NFIA: variants seen among roughly 807,000 people sequenced by gnomAD.
NFIA encodes the protein nuclear factor I A.
NFIA carries 8 observed loss-of-function variants against 62.8 expected under a neutral mutation model. The ratio of observed to expected loss-of-function variants is 0.13; its 90% CI spans 0.07 to 0.23. The LOEUF (loss-of-function observed/expected upper bound fraction) is 0.23, where lower values mean the gene tolerates loss of function less well. NFIA is among the 10% of genes least tolerant of loss of function. The probability of loss-of-function intolerance (pLI) is 1.00; values close to 1 mark genes in which losing one functional copy is unlikely to be tolerated. For synonymous variants in NFIA, 235 were observed against 238.1 expected, an observed-to-expected ratio of 0.99 and a Z score of 0.12; for missense variants, 410 against 642.1, an observed-to-expected ratio of 0.64 and a Z score of 3.91.
chr1:61,345,839 G>A (rs965881296), intron 4 of NFIA, among the ~76,000 whole-genome samples: 2 of 152,122 alleles, frequency 1.3e-5, no homozygotes, highest in African/African-American at 4.8e-5. Context: ...GGGGACTTCT[G>A]GTGAGGAGTA....
At chr1:61,315,519 CAGA>C (rs1355516592) in intron 3 of NFIA, among the ~76,000 whole-genome samples, 1 of 152,148 alleles carries the variant, frequency 6.6e-6, no homozygotes, top group East Asian at 1.9e-4. Flanking sequence ...AATCGCAAAG[CAGA>C]AGGACTTCCA....
intron 3 of NFIA, among the ~76,000 whole-genome samples, chr1:61,311,283 C>T (rs1570559377): frequency 6.6e-6 from 1 of 152,090 alleles, no homozygotes; most frequent in Non-Finnish European, 1.5e-5. Context: ...CCCAGCTACT[C>T]GAGAGGCTGA....
intron 7 of NFIA, among the ~76,000 whole-genome samples, chr1:61,390,649 C>T (rs1265655954): frequency 1.3e-5 from 2 of 152,092 alleles, no homozygotes; most frequent in Non-Finnish European, 2.9e-5. Flanking sequence ...GATCACCTTT[C>T]AGGAAGTTGG....
At chr1:61,409,874 C>T (rs1666021099) in intron 9 of NFIA, among the ~76,000 whole-genome samples, 1 of 152,198 alleles carries the variant, frequency 6.6e-6, no homozygotes, top group Non-Finnish European at 1.5e-5. Context: ...CCCTTACAAC[C>T]TAGAGAGTAA....
chr1:61,376,954 T>C (rs1191808190), intron 6 of NFIA, among the ~76,000 whole-genome samples: 2 of 152,112 alleles, frequency 1.3e-5, no homozygotes, highest in Non-Finnish European at 2.9e-5. Flanking sequence ...CGGTGGCTTA[T>C]GCCTGTAATC....
At chr1:61,195,881 A>C (rs905452513) in intron 2 of NFIA, among the ~76,000 whole-genome samples, 3 of 152,182 alleles carry the variant, frequency 2.0e-5, no homozygotes, top group Admixed American at 2.0e-4. Context: ...TAAAGAAAGC[A>C]GAGTAAAATA....
chr1:61,128,491 A>G (rs959407701), intron 2 of NFIA, among the ~76,000 whole-genome samples: 2 of 152,034 alleles, frequency 1.3e-5, no homozygotes, highest in Non-Finnish European at 2.9e-5. Flanking sequence ...CTAGCTATTA[A>G]TACGTGGGAG....
intron 10 of NFIA, among the ~76,000 whole-genome samples, chr1:61,441,922 C>T (rs1667601072): frequency 6.6e-6 from 1 of 151,816 alleles, no homozygotes; most frequent in Admixed American, 6.6e-5. Flanking sequence ...CTTTCCCCCA[C>T]CCCCACCGTC....
At chr1:61,427,298 G>T (rs939885399) in intron 10 of NFIA, among the ~76,000 whole-genome samples, 1 of 152,300 alleles carries the variant, frequency 6.6e-6, no homozygotes, top group Admixed American at 6.5e-5. Context: ...GGCTTTTTAA[G>T]TTCAAAGTTA....
chr1:61,116,889 T>C (rs550816226), intron 2 of NFIA, among the ~76,000 whole-genome samples: 4 of 152,260 alleles, frequency 2.6e-5, no homozygotes, highest in Non-Finnish European at 4.4e-5. Flanking sequence ...AATGACCTTG[T>C]GTTGGCTTGT....
chr1:61,435,731 G>A (rs958234223), intron 10 of NFIA, among the ~76,000 whole-genome samples: 3 of 152,166 alleles, frequency 2.0e-5, no homozygotes, highest in South Asian at 2.1e-4. Context: ...AATCATGACC[G>A]TCACCTAGGA....
At chr1:61,446,164 C>T (rs1016351745) in intron 10 of NFIA, among the ~76,000 whole-genome samples, 4 of 152,200 alleles carry the variant, frequency 2.6e-5, no homozygotes, top group Non-Finnish European at 5.9e-5. Flanking sequence ...AAGCCAGTGA[C>T]TGAACTGGGA....
At chr1:61,392,910 C>G (rs910879395) in intron 7 of NFIA, among the ~76,000 whole-genome samples, 1 of 152,168 alleles carries the variant, frequency 6.6e-6, no homozygotes, top group Non-Finnish European at 1.5e-5. Context: ...CTCTCTGTCC[C>G]TCTCAGTCAC....
chr1:61,212,693 A>G (rs574491747), intron 2 of NFIA, among the ~76,000 whole-genome samples: 1 of 152,336 alleles, frequency 6.6e-6, no homozygotes, highest in South Asian at 2.1e-4. Context: ...AAAATTTACT[A>G]TTCAGTATAG....
intron 2 of NFIA, among the ~76,000 whole-genome samples, chr1:61,239,320 A>G (rs1422186835): frequency 1.3e-5 from 2 of 152,194 alleles, no homozygotes; most frequent in South Asian, 2.1e-4. Flanking sequence ...ACTTTTATGG[A>G]TACCAAATAA....
chr1:61,104,505 T>C (rs986655212), intron 2 of NFIA, among the ~76,000 whole-genome samples: 1 of 152,104 alleles, frequency 6.6e-6, no homozygotes, highest in Non-Finnish European at 1.5e-5. Flanking sequence ...AAATCTTCTT[T>C]GTTTAATTGG....
chr1:61,443,107 A>G (rs1162667355), intron 10 of NFIA, among the ~76,000 whole-genome samples: 5 of 152,210 alleles, frequency 3.3e-5, no homozygotes, highest in South Asian at 2.1e-4. Flanking sequence ...AGCTTTGCAT[A>G]TAGCTAGCAT....
At chr1:61,370,825 T>C (rs1179874885) in intron 6 of NFIA, among the ~76,000 whole-genome samples, 1 of 152,178 alleles carries the variant, frequency 6.6e-6, no homozygotes, top group East Asian at 1.9e-4. Context: ...TGAAGAAACA[T>C]TCCAGTCTGT....
chr1:61,131,934 G>A (rs1044374217), intron 2 of NFIA, among the ~76,000 whole-genome samples: 1 of 152,126 alleles, frequency 6.6e-6, no homozygotes, highest in African/African-American at 2.4e-5. Flanking sequence ...CTTTTGGAGT[G>A]TGCCCAGAAA....
Sources: gnomAD v4.1 joint callset for allele counts (sites outside exome capture counted in the v4.1 genomes callset) on GRCh38, gnomAD v4.1.1 for gene constraint, MANE v1.5 for transcripts, NCBI Gene and HGNC (gene_info 2026-07-23, HGNC 2026-07-21) for gene names.